Variants in CHL1 observed in about 807,000 individuals in gnomAD.
The protein encoded by CHL1 is cell adhesion molecule L1 like.
In CHL1, 96 loss-of-function variants were observed where a neutral mutation model predicts 141.9. The ratio of observed to expected loss-of-function variants is 0.68; its 90% confidence interval spans 0.57 to 0.80. The LOEUF (loss-of-function observed/expected upper bound fraction) is 0.80. Ranked by LOEUF, CHL1 falls within the 30% of genes least tolerant of loss-of-function variation. The pLI is 0.00. For missense variants in CHL1, 1,820 were observed against 1,457.2 expected (o/e 1.25, Z -4.05); for synonymous variants, 613 against 502.2 (o/e 1.22, Z -2.95).
intron 10 of CHL1, among the ~76,000 whole-genome samples, chr3:351,153 A>C (rs1204368091): frequency 6.6e-6 from 1 of 152,214 alleles, no homozygotes; most frequent in Non-Finnish European, 1.5e-5. Context: ...TATAAAACCA[A>C]ACCTTTCAAA....
intron 2 of CHL1, among the ~76,000 whole-genome samples, chr3:315,262 C>A (rs1301000917): frequency 6.6e-6 from 1 of 152,120 alleles, no homozygotes; most frequent in Non-Finnish European, 1.5e-5. Flanking sequence ...GCTGAGTGAG[C>A]AGGCTGGGTA....
chr3:394,203 A>G (rs1708479312), intron 23 of CHL1, among the ~76,000 whole-genome samples: 1 of 152,210 alleles, frequency 6.6e-6, no homozygotes, highest in Admixed American at 6.5e-5. Flanking sequence ...GATTCTATGT[A>G]TACTGAGTAG....
intron 5 of CHL1, among the ~76,000 whole-genome samples, chr3:338,023 C>T (rs1426257273): frequency 1.3e-5 from 2 of 152,108 alleles, no homozygotes; most frequent in Non-Finnish European, 2.9e-5. Flanking sequence ...ACATCCTCTC[C>T]AGCACCTTTT....
intron 1 of CHL1, among the ~76,000 whole-genome samples, chr3:236,078 G>A (rs183574883): frequency 2.0e-5 from 3 of 152,286 alleles, no homozygotes; most frequent in East Asian, 1.9e-4. Context: ...GAAGACCAGC[G>A]TCTGAATGAT....
At chr3:341,762 A>G (rs2125148677) in intron 6 of CHL1, 150 bp from the exon 7 acceptor site, 1 of 587,552 alleles carries the variant, frequency 1.7e-6, no homozygotes, top group Admixed American at 3.6e-5. Context: ...CTATTTGCTC[A>G]TTGTTCCTGT....
chr3:204,660 A>C (rs1286714730), intron 1 of CHL1, among the ~76,000 whole-genome samples: 1 of 152,202 alleles, frequency 6.6e-6, no homozygotes, highest in Non-Finnish European at 1.5e-5. Context: ...GGGATGCCTT[A>C]CATATTGGTT....
In CHL1 at chr3:368,551, G is replaced by A. The variant is rs62230374; in HGVS notation, c.1751+2436G>A. Among the ~76,000 whole-genome samples the A allele has an allele frequency of 6.7e-3, 1,014 of 152,148 alleles. 5 individuals carry two copies. Among genetic ancestry groups the A allele is most frequent in the Non-Finnish European group, 0.012 (796 of 67,978 alleles). The stretch of plus-strand genomic sequence containing the variant: ...CTGTCATTCTGTAGGTTGCCTGTTC[G>A]CTCTGATGATAGTTTCTTTTGCTGT... On this transcript the variant is annotated intron_variant, in intron 15 of 27. Coordinates refer to ENST00000256509, the MANE Select transcript of CHL1 (RefSeq NM_006614.4).
chr3:365,821 A>T, intron 14 of CHL1, 129 bp from the exon 15 acceptor site: 1 of 628,772 alleles, frequency 1.6e-6, no homozygotes. Flanking sequence ...TTAGGAAATT[A>T]CAGTGGGACA....
intron 10 of CHL1, among the ~76,000 whole-genome samples, chr3:351,361 A>G (rs1344796982): frequency 6.6e-6 from 1 of 152,204 alleles, no homozygotes; most frequent in Non-Finnish European, 1.5e-5. Context: ...TTTAGTAAGA[A>G]ACTATTAAAT....
intron 9 of CHL1, among the ~76,000 whole-genome samples, chr3:345,138 T>C (rs186735805): frequency 6.6e-6 from 1 of 152,288 alleles, no homozygotes; most frequent in Admixed American, 6.5e-5. Flanking sequence ...CAATTTATGA[T>C]ATTGTGGATG....
At chr3:299,323 A>C (rs59647280) in intron 2 of CHL1, among the ~76,000 whole-genome samples, 3,620 of 152,308 alleles carry the variant, frequency 0.024, 130 homozygotes, top group African/African-American at 0.082. Context: ...GTAAATAACA[A>C]GATGAAAGAC....
At chr3:348,972 A>G (rs940220040) in intron 9 of CHL1, among the ~76,000 whole-genome samples, 2 of 152,246 alleles carry the variant, frequency 1.3e-5, no homozygotes, top group African/African-American at 4.8e-5. Flanking sequence ...GGCTGTTATC[A>G]CTGGCTGCCC....
intron 2 of CHL1, chr3:248,193 C>A (rs1449109840): frequency 1.3e-5 from 2 of 152,058 alleles, no homozygotes; most frequent in Non-Finnish European, 2.9e-5. Context: ...TTTGTTTCAA[C>A]TGGAGTTTTA....
At chr3:211,000 T>G (rs933171142) in intron 1 of CHL1, among the ~76,000 whole-genome samples, 8 of 152,220 alleles carry the variant, frequency 5.3e-5, no homozygotes, top group Admixed American at 1.3e-4. Flanking sequence ...TCGGATGCTT[T>G]TCTCCTCTGA....
At chr3:276,689 A>G (rs1453006440) in intron 2 of CHL1, among the ~76,000 whole-genome samples, 1 of 151,882 alleles carries the variant, frequency 6.6e-6, no homozygotes, top group Non-Finnish European at 1.5e-5. Flanking sequence ...GGAGATTGAG[A>G]CCGTCCTGGC....
chr3:310,898 C>T (rs1291153593), intron 2 of CHL1, among the ~76,000 whole-genome samples: 1 of 152,214 alleles, frequency 6.6e-6, no homozygotes, highest in Non-Finnish European at 1.5e-5. Context: ...CCCTCTTCTC[C>T]CTTAACCCCT....
chr3:371,940 C>T (rs537433442), intron 15 of CHL1, among the ~76,000 whole-genome samples: 21 of 152,304 alleles, frequency 1.4e-4, no homozygotes, highest in African/African-American at 5.1e-4. Context: ...GGCCTCCACT[C>T]TCTTCTGGCT....
chr3:383,435 A>G (rs1303966895), intron 18 of CHL1, among the ~76,000 whole-genome samples: 1 of 152,202 alleles, frequency 6.6e-6, no homozygotes, highest in African/African-American at 2.4e-5. Flanking sequence ...AATATTCACA[A>G]CATATGTTTC....
rs150593646 is a variant in CHL1 at position 389,377 on chromosome 3, T to C, written c.2373T>C (p.Pro791=). Residue 791 remains proline (P), a synonymous_variant, in exon 20 of 28, where the codon CCT becomes CCC. Coordinates refer to ENST00000256509, the MANE Select transcript of CHL1 (RefSeq NM_006614.4). ...ACCACACATTGCGGGTGATGACGCC[T>C]GCTGTCTATGCCCCTTATGATGTCA... ...VTNHTLRVMT[P]AVYAPYDVKV... is the part of the protein sequence containing the mutation. 235 of 1,614,202 alleles carry C rather than the reference T, an allele frequency of 1.5e-4. No homozygotes were observed. In the African/African-American group the frequency reaches 2.9e-3, roughly 20 times the overall value.
Sources: allele counts gnomAD v4.1 joint callset (sites outside exome capture counted in the v4.1 genomes callset), GRCh38; gene constraint gnomAD v4.1.1; transcripts MANE v1.5; gene names NCBI Gene and HGNC (gene_info 2026-07-23, HGNC 2026-07-21).